The following NWD1 variants were observed in gnomAD, a reference collection of about 807,000 sequenced individuals.
NWD1 encodes NACHT and WD repeat domain containing 1.
A neutral mutation model predicts 135.1 loss-of-function variants in NWD1; 129 were observed. The observed-to-expected ratio is 0.96, with a 90% CI of 0.83 to 1.11. NWD1 has a LOEUF of 1.11. Among genes scored for constraint, NWD1 ranks in the 50% least tolerant of loss-of-function variants. The pLI is 0.00. For synonymous variants in NWD1, 773 were observed against 786.0 expected (o/e 0.98, Z 0.28); for missense variants, 1,740 against 1,851.3 (o/e 0.94, Z 1.10).
chr19:16,776,983 G>A (rs1379688819), intron 11 of NWD1, among the ~76,000 whole-genome samples: 2 of 123,624 alleles, frequency 1.6e-5, no homozygotes, highest in African/African-American at 6.2e-5. Context: ...GGAGAGTGGG[G>A]AGGGGAAGGG....
rs1306235578 is a variant in NWD1 at position 16,749,654 on chromosome 19, G to C, written c.1012G>C (p.Val338Leu). Residue 338 changes from valine (V) to leucine (L), a missense_variant, in exon 6 of 19, where the codon GTA becomes CTA. Transcript: ENST00000524140. ...TGACAGCAAGCAGCACACCCCCCTG[G>C]TACTCTTTGGGCCCCCAGGCATTGG... ...HDDSKQHTPL[V>L]LFGPPGIGKT... The C allele has an allele frequency of 6.2e-7, 1 of 1,604,492 alleles. No individual in the cohort carries two copies. The highest frequency in any genetic ancestry group is 8.5e-7 in the Non-Finnish European group (1 of 1,173,798).
Position 16,750,260 on chromosome 19 carries a change from T to C in NWD1, c.1618T>C (p.Phe540Leu), listed in dbSNP as rs1443501260. 6.2e-7 allele frequency: 1 copy of C among 1,613,408 alleles called. No homozygotes were observed. Among genetic ancestry groups the C allele is most frequent in the African/African-American group, 1.3e-5 (1 of 74,986 alleles). ...CGNPGRLRLAFEEARKWASFT... is the reference protein window; with the variant it reads ...CGNPGRLRLALEEARKWASFT... ...GAACCCAGGGCGGCTGAGGCTGGCG[T>C]TTGAGGAAGCCCGGAAATGGGCCTC... The change falls in exon 6 of 19, where the codon TTT becomes CTT. Residue 540 changes from phenylalanine (F) to leucine (L), a missense_variant. Phe to Leu is a conservative substitution (Grantham distance 22). Transcript: ENST00000524140.
At chr19:16,771,532 C>T (rs949143238) in intron 10 of NWD1, among the ~76,000 whole-genome samples, 3 of 152,156 alleles carry the variant, frequency 2.0e-5, no homozygotes, top group African/African-American at 7.2e-5. Context: ...AGAAAAATAA[C>T]GCGAGAGGCG....
At chr19:16,763,783 G>T in intron 8 of NWD1, 45 bp from the exon 9 acceptor site, 1 of 1,206,164 alleles carries the variant, frequency 8.3e-7, no homozygotes, top group Non-Finnish European at 1.2e-6. Flanking sequence ...TGGAGTGAAT[G>T]AATGGGTTTG....
Position 16,789,140 on chromosome 19 carries a change from C to A in NWD1, c.2890C>A (p.Leu964Ile), listed in dbSNP as rs1322660465. The change falls in exon 13 of 19, where the codon CTT becomes ATT. Residue 964 changes from leucine to isoleucine, a missense_variant. Coordinates refer to ENST00000524140, the MANE Select transcript of NWD1 (RefSeq NM_001007525.5). Reference sequence around the variant, plus strand: ...TCCCGCTGAACCTCAGATCTGGAACCTTCATGTGGATGAGGCACACAAAGT... The same window carrying A: ...TCCCGCTGAACCTCAGATCTGGAACATTCATGTGGATGAGGCACACAAAGT... ...KNPAEPQIWNLHVDEAHKVVY... is the reference protein window; with the variant it reads ...KNPAEPQIWNIHVDEAHKVVY... 6.2e-7 allele frequency: 1 copy of A among 1,614,070 alleles called. No homozygotes were observed. The highest frequency in any genetic ancestry group is 1.7e-5 in the Admixed American group (1 of 59,990).
intron 14 of NWD1, among the ~76,000 whole-genome samples, 195 bp downstream of exon 14, chr19:16,791,817 G>A (rs1272923714): frequency 2.0e-5 from 3 of 152,170 alleles, no homozygotes; most frequent in Admixed American, 6.6e-5. Flanking sequence ...GGGTTCAAGC[G>A]ATTCTCACTG....
At chr19:16,805,565 C>G (rs554285332) in intron 17 of NWD1, among the ~76,000 whole-genome samples, 6 of 152,208 alleles carry the variant, frequency 3.9e-5, no homozygotes, top group Admixed American at 3.3e-4. Context: ...CTCCTGGTCT[C>G]AAGCCATCCT....
intron 12 of NWD1, among the ~76,000 whole-genome samples, chr19:16,783,135 A>C (rs1969918402): frequency 6.6e-6 from 1 of 151,224 alleles, no homozygotes; most frequent in African/African-American, 2.4e-5. Context: ...AGGTTCAAGC[A>C]ATCCTCCCAC....
intron 4 of NWD1, among the ~76,000 whole-genome samples, chr19:16,739,807 G>C (rs867593003): frequency 1.1e-4 from 17 of 152,324 alleles, no homozygotes; most frequent in African/African-American, 3.6e-4. Flanking sequence ...AGCAGCCCCA[G>C]TGTCTCCAGA....
rs140020603 is a variant in NWD1 at position 16,734,147 on chromosome 19, G to A, written c.82-2487G>A. Among the ~76,000 whole-genome samples, 270 of 152,250 alleles carry A rather than the reference G, an allele frequency of 1.8e-3. 1 individual carries two copies. Among genetic ancestry groups the A allele is most frequent in the African/African-American group, 6.4e-3 (264 of 41,552 alleles). Reference sequence around the variant, plus strand: ...CCAAGGAGACCTTGGTACGTCCAGTGCTGGCCAAACTAAACACCCTCCTTT... The same window carrying A: ...CCAAGGAGACCTTGGTACGTCCAGTACTGGCCAAACTAAACACCCTCCTTT... On this transcript the variant is annotated intron_variant, in intron 3 of 18. Coordinates refer to ENST00000524140, the MANE Select transcript of NWD1 (RefSeq NM_001007525.5).
Position 16,749,819 on chromosome 19 carries a change from G to T in NWD1, c.1177G>T (p.Val393Leu). 1 of 1,608,644 alleles carries T rather than the reference G, an allele frequency of 6.2e-7. No homozygotes were observed. Among genetic ancestry groups the T allele is most frequent in the Non-Finnish European group, 8.5e-7 (1 of 1,177,232 alleles). The stretch of plus-strand genomic sequence containing the variant: ...CCTGCTGAAGAGCATCTGCTTCCAG[G>T]TGTGCCTGGCCTATGGGCTGCCCTT... ...RGLLKSICFQ[V>L]CLAYGLPLPP... Residue 393 changes from valine (V) to leucine (L), a missense_variant, in exon 6 of 19, where the codon GTG (valine) becomes TTG (leucine). Val to Leu is a conservative substitution (Grantham distance 32). Coordinates refer to ENST00000524140, the MANE Select transcript of NWD1 (RefSeq NM_001007525.5).
chr19:16,768,569 C>T (rs189466937), intron 10 of NWD1, among the ~76,000 whole-genome samples: 2 of 141,402 alleles, frequency 1.4e-5, no homozygotes, highest in Admixed American at 1.5e-4. Flanking sequence ...TTTTCTCTAC[C>T]CTTTTATGTT....
chr19:16,756,160 G>A (rs1049609937), intron 6 of NWD1, among the ~76,000 whole-genome samples: 90 of 152,250 alleles, frequency 5.9e-4, no homozygotes, highest in African/African-American at 2.1e-3. Context: ...GGCTGAGTAC[G>A]AGAATTGCTT....
intron 12 of NWD1, among the ~76,000 whole-genome samples, chr19:16,782,085 C>T (rs1288858750): frequency 7.1e-6 from 1 of 140,112 alleles, no homozygotes; most frequent in African/African-American, 2.7e-5. Flanking sequence ...CAGAGTGAGA[C>T]TCTGTCTCAA....
At chr19:16,775,435 G>A (rs780302686) in intron 11 of NWD1, among the ~76,000 whole-genome samples, 20 of 108,706 alleles carry the variant, frequency 1.8e-4, no homozygotes, top group South Asian at 5.0e-4. Context: ...TCAGTCTGGC[G>A]CTCTGCCATT....
chr19:16,772,852 A>G (rs1969462766), intron 10 of NWD1, among the ~76,000 whole-genome samples: 1 of 151,684 alleles, frequency 6.6e-6, no homozygotes, highest in Non-Finnish European at 1.5e-5. Flanking sequence ...AAAGGAAGGG[A>G]GAGAGGGAGA....
chr19:16,745,025 A>C (rs1210784787), intron 5 of NWD1: 2 of 555,356 alleles, frequency 3.6e-6, no homozygotes, highest in Non-Finnish European at 6.8e-6. Context: ...GGCATACTTG[A>C]GGCTGGGTAA....
Position 16,808,119 on chromosome 19 carries a change from T to G in NWD1, c.4270T>G (p.Phe1424Val). 6.2e-7 allele frequency: 1 copy of G among 1,613,560 alleles called. No individual in the cohort carries two copies. Among genetic ancestry groups the G allele is most frequent in the Non-Finnish European group, 8.5e-7 (1 of 1,179,958 alleles). Reference sequence around the variant, plus strand: ...GGACCTGCAGGCACGCAAGTGGAAATTCGAGATGAGCTACACGGTGGGTGG... The same window carrying G: ...GGACCTGCAGGCACGCAAGTGGAAAGTCGAGATGAGCTACACGGTGGGTGG... ...LWDLQARKWK[F>V]EMSYTAPC Residue 1424 changes from phenylalanine to valine, a missense_variant, in exon 18 of 19, where the codon TTC (phenylalanine) becomes GTC (valine). By Grantham distance (50) the Phe-to-Val change is conservative (BLOSUM62 -1). Coordinates refer to ENST00000524140, the MANE Select transcript of NWD1 (RefSeq NM_001007525.5).
chr19:16,791,670 G>T (rs1349482525), intron 14 of NWD1, 48 bp downstream of exon 14: 2 of 1,526,386 alleles, frequency 1.3e-6, no homozygotes, highest in African/African-American at 2.7e-5. Context: ...CAGCTTGAAA[G>T]TGCTCAGATG....
Sources: allele counts gnomAD v4.1 joint callset (sites outside exome capture counted in the v4.1 genomes callset), GRCh38; gene constraint gnomAD v4.1.1; transcripts MANE v1.5; gene names NCBI Gene and HGNC (gene_info 2026-07-23, HGNC 2026-07-21).